The following RASSF3 variants were observed in gnomAD, a reference collection of about 807,000 sequenced individuals.
RASSF3 encodes the protein Ras association domain family member 3.
In RASSF3, 19 loss-of-function variants were observed where a neutral mutation model predicts 19.9. The ratio of observed to expected loss-of-function variants is 0.96; its 90% CI spans 0.67 to 1.40. RASSF3 has a LOEUF of 1.40. RASSF3 is among the 40% of genes most tolerant of loss of function. The pLI is 0.00. For missense variants in RASSF3, 306 were observed against 289.8 expected (o/e 1.06, Z -0.41); for synonymous variants, 110 against 104.2 (o/e 1.06, Z -0.34).
intron 2 of RASSF3, among the ~76,000 whole-genome samples, chr12:64,592,009 C>T (rs1447254688): frequency 4.6e-5 from 7 of 152,004 alleles, no homozygotes; most frequent in Non-Finnish European, 8.8e-5. Context: ...CCACGAGATC[C>T]TCCCACCTCA....
At chr12:64,662,057 A>G (rs1872386211) in intron 1 of RASSF3, among the ~76,000 whole-genome samples, 1 of 151,944 alleles carries the variant, frequency 6.6e-6, no homozygotes, top group African/African-American at 2.4e-5. Context: ...GCTGGAGACA[A>G]AAATGGAGAG....
intron 2 of RASSF3, among the ~76,000 whole-genome samples, chr12:64,578,294 T>C (rs1010516119): frequency 3.3e-5 from 5 of 152,140 alleles, no homozygotes; most frequent in Admixed American, 6.6e-5. Flanking sequence ...CTAAATGCTT[T>C]ATGTACGTTA....
intron 4 of RASSF3, among the ~76,000 whole-genome samples, chr12:64,694,547 A>G (rs1868327161): frequency 6.6e-6 from 1 of 151,956 alleles, no homozygotes; most frequent in Non-Finnish European, 1.5e-5. Context: ...GAACAGTGGG[A>G]GGAGAGGGTA....
At chr12:64,619,101 T>C (rs1379817184) in intron 1 of RASSF3, among the ~76,000 whole-genome samples, 1 of 152,178 alleles carries the variant, frequency 6.6e-6, no homozygotes, top group Non-Finnish European at 1.5e-5. Context: ...TGTTGAACAA[T>C]GCTGTTTGCT....
intron 2 of RASSF3, among the ~76,000 whole-genome samples, chr12:64,564,792 T>G (rs1210168048): frequency 7.2e-6 from 1 of 139,302 alleles, no homozygotes; most frequent in Non-Finnish European, 1.6e-5. Flanking sequence ...TTTTTGTTTT[T>G]TTTTTTGAGA....
At chr12:64,676,665 T>G (rs1439479695) in intron 1 of RASSF3, among the ~76,000 whole-genome samples, 2 of 151,788 alleles carry the variant, frequency 1.3e-5, no homozygotes, top group Non-Finnish European at 2.9e-5. Flanking sequence ...GAGATGGGGT[T>G]TCACCATGTT....
At chr12:64,551,315 C>T (rs1262742206) in intron 2 of RASSF3, among the ~76,000 whole-genome samples, 3 of 152,188 alleles carry the variant, frequency 2.0e-5, no homozygotes, top group Non-Finnish European at 4.4e-5. Flanking sequence ...AGGCTCACTC[C>T]TGTAATCCCA....
At position 64,617,852 on chromosome 12, in the gene RASSF3, C is replaced by T. The variant is rs866191613; in HGVS notation, c.111+7109C>T. On this transcript the variant is annotated intron_variant, in intron 1 of 4. Coordinates refer to ENST00000542104, the MANE Select transcript of RASSF3 (RefSeq NM_178169.4). ...GATTACAGGAATGAGCTACCGTGCCCGGCCCTATACATCTGTTTAGATGGG... is the reference window on the plus strand; with the variant it reads ...GATTACAGGAATGAGCTACCGTGCCTGGCCCTATACATCTGTTTAGATGGG... Among the ~76,000 whole-genome samples the T allele has an allele frequency of 7.9e-5, 12 of 152,278 alleles. No homozygotes were observed. In the South Asian group the frequency reaches 1.2e-3, roughly 16 times the overall value.
At chr12:64,638,165 T>C (rs139590293) in intron 1 of RASSF3, among the ~76,000 whole-genome samples, 33 of 152,352 alleles carry the variant, frequency 2.2e-4, no homozygotes, top group Non-Finnish European at 4.3e-4. Context: ...AATGCAAGAT[T>C]ATAATAGAAA....
At chr12:64,608,855 G>C (rs1368443082), upstream of RASSF3, among the ~76,000 whole-genome samples, 1 of 152,232 alleles carries the variant, frequency 6.6e-6, no homozygotes, top group East Asian at 1.9e-4. Context: ...GCACACACAC[G>C]GATCAGCTTA....
chr12:64,527,921 C>T (rs913184432), intron 1 of RASSF3, among the ~76,000 whole-genome samples: 4 of 151,608 alleles, frequency 2.6e-5, no homozygotes, highest in Non-Finnish European at 4.4e-5. Context: ...GGTGACAAAG[C>T]GACACTCTGT....
At chr12:64,553,226 G>A (rs1289331882) in intron 2 of RASSF3, among the ~76,000 whole-genome samples, 10 of 151,910 alleles carry the variant, frequency 6.6e-5, no homozygotes, top group Admixed American at 6.6e-5. Context: ...TTTCCTTTTC[G>A]GTAACTTTGT....
intron 1 of RASSF3, among the ~76,000 whole-genome samples, chr12:64,643,216 G>A (rs1871608091): frequency 1.3e-5 from 2 of 151,970 alleles, no homozygotes; most frequent in Non-Finnish European, 2.9e-5. Context: ...AGCTGTCCTT[G>A]GATTATTTGA....
chr12:64,638,894 A>C lies in RASSF3; in HGVS notation c.111+28151A>C, dbSNP rs57892940. ...CCATAGTGTGCCCATTTTACTGTTG[A>C]TGGACATTTAATTGTTCTTTCCTCC... is the stretch of plus-strand genomic sequence containing the variant. On this transcript the variant is annotated intron_variant, in intron 1 of 4. Transcript: ENST00000542104. Among the ~76,000 whole-genome samples the C allele has an allele frequency of 7.5e-3, 1,140 of 152,240 alleles. 18 individuals carry two copies. The highest frequency in any genetic ancestry group is 0.026 in the African/African-American group (1,095 of 41,528).
upstream of RASSF3, among the ~76,000 whole-genome samples, chr12:64,530,679 C>T (rs1401966714): frequency 1.3e-5 from 2 of 152,324 alleles, no homozygotes; most frequent in Middle Eastern, 3.4e-3. Context: ...TACATTCTCA[C>T]CCGCAGCCTG....
At chr12:64,534,683 T>G (rs1158162705) in intron 1 of RASSF3, among the ~76,000 whole-genome samples, 1 of 151,776 alleles carries the variant, frequency 6.6e-6, no homozygotes, top group East Asian at 1.9e-4. Context: ...AAAGAGAGAA[T>G]AGAGAGACAG....
At chr12:64,610,399 CG>C (rs1408630811), upstream of RASSF3, 3 of 152,556 alleles carry the variant, frequency 2.0e-5, no homozygotes, top group African/African-American at 7.3e-5. Context: ...GTCGCCCGTC[CG>C]GGGCGGGGCC....
At chr12:64,543,481 C>T (rs1474348515), downstream of RASSF3, among the ~76,000 whole-genome samples, 1 of 83,500 alleles carries the variant, frequency 1.2e-5, no homozygotes, top group Non-Finnish European at 2.5e-5. Flanking sequence ...CCTGCCCACC[C>T]CCCACTCCCC....
chr12:64,644,359 T>C (rs1417962313), intron 1 of RASSF3, among the ~76,000 whole-genome samples: 1 of 152,144 alleles, frequency 6.6e-6, no homozygotes, highest in Admixed American at 6.6e-5. Flanking sequence ...TGTATTATCT[T>C]AGGCAAATTT....
Sources: allele counts gnomAD v4.1 joint callset (sites outside exome capture counted in the v4.1 genomes callset), GRCh38; gene constraint gnomAD v4.1.1; transcripts MANE v1.5; gene names NCBI Gene and HGNC (gene_info 2026-07-23, HGNC 2026-07-21).